Variants in ZNF407 observed in about 807,000 individuals in gnomAD.
ZNF407 encodes the protein zinc finger protein 407.
Under a neutral mutation model 131.2 loss-of-function variants are expected in ZNF407, and 17 were observed. The ratio of observed to expected loss-of-function variants is 0.13; its 90% CI spans 0.09 to 0.19. The LOEUF (loss-of-function observed/expected upper bound fraction) is 0.19, where lower values mean the gene tolerates loss of function less well. Ranked by LOEUF, ZNF407 falls within the 10% of genes least tolerant of loss-of-function variation. The probability of loss-of-function intolerance (pLI) is 1.00; values close to 1 mark genes in which losing one functional copy is unlikely to be tolerated. For synonymous variants in ZNF407, 1,156 were observed against 1,062.0 expected (o/e 1.09, Z -1.72); for missense variants, 2,681 against 2,830.6 (o/e 0.95, Z 1.20).
intron 1 of ZNF407, among the ~76,000 whole-genome samples, chr18:74,605,563 A>G: frequency 6.6e-6 from 1 of 152,216 alleles, no homozygotes; most frequent in East Asian, 1.9e-4. Flanking sequence ...TTAAAAAATC[A>G]AAAAATCATA....
intron 3 of ZNF407, among the ~76,000 whole-genome samples, chr18:74,761,619 A>G (rs1162122701): frequency 6.6e-6 from 1 of 152,178 alleles, no homozygotes; most frequent in Non-Finnish European, 1.5e-5. Flanking sequence ...ACCCCAACAT[A>G]TAAACCCTAA....
At chr18:74,896,637 G>T (rs967991375) in intron 7 of ZNF407, among the ~76,000 whole-genome samples, 1 of 152,092 alleles carries the variant, frequency 6.6e-6, no homozygotes, top group Non-Finnish European at 1.5e-5. Context: ...GTTTTGTCCT[G>T]GCAAGCATAA....
At chr18:74,964,891 G>A (rs1972392856) in intron 8 of ZNF407, among the ~76,000 whole-genome samples, 1 of 152,164 alleles carries the variant, frequency 6.6e-6, no homozygotes. Flanking sequence ...AAAATTCAGA[G>A]CCTATGTGAA....
rs1276866307 is a variant in ZNF407, at chr18:74,680,406, A to AG, written c.4802+39284_4802+39285insG. On this transcript the variant is annotated intron_variant, in intron 3 of 8. Coordinates refer to ENST00000299687, the MANE Select transcript of ZNF407 (RefSeq NM_017757.3). Reference sequence around the variant, plus strand: ...CCTGGGTGAGACCTTGCCTTAAAAAAAAAAAAAAAATAGAACCCCCAAACA... The same window carrying AG: ...CCTGGGTGAGACCTTGCCTTAAAAAAGAAAAAAAAAATAGAACCCCCAAACA... Among the ~76,000 whole-genome samples the AG allele has an allele frequency of 4.6e-5, 7 of 151,534 alleles. No homozygotes were observed. The East Asian group carries it at 1.4e-3, about 29-fold the overall frequency.
chr18:74,616,440 T>G (rs1983291924), intron 1 of ZNF407, among the ~76,000 whole-genome samples: 1 of 152,084 alleles, frequency 6.6e-6, no homozygotes, highest in African/African-American at 2.4e-5. Flanking sequence ...CCTTTGTCGT[T>G]TTTATGGAGG....
At chr18:75,011,253 T>C (rs568604775) in intron 8 of ZNF407, among the ~76,000 whole-genome samples, 2 of 152,292 alleles carry the variant, frequency 1.3e-5, no homozygotes, top group Admixed American at 6.5e-5. Context: ...AAATCACTGC[T>C]CATAGCACTG....
intron 3 of ZNF407, among the ~76,000 whole-genome samples, chr18:74,776,571 A>G (rs2145013964): frequency 6.6e-6 from 1 of 152,280 alleles, no homozygotes; most frequent in East Asian, 1.9e-4. Flanking sequence ...ATCCAAACTT[A>G]TTTGAAAATT....
At chr18:74,967,845 C>T (rs141958750) in intron 8 of ZNF407, among the ~76,000 whole-genome samples, 3 of 152,286 alleles carry the variant, frequency 2.0e-5, no homozygotes, top group East Asian at 3.9e-4. Context: ...ATTTCTGGGA[C>T]CTAAAATTAT....
chr18:74,758,683 T>C (rs2144967023), intron 3 of ZNF407, among the ~76,000 whole-genome samples: 1 of 152,210 alleles, frequency 6.6e-6, no homozygotes, highest in Admixed American at 6.5e-5. Flanking sequence ...CTCTGTCTCC[T>C]GAGTTCAAGC....
intron 3 of ZNF407, among the ~76,000 whole-genome samples, chr18:74,704,014 T>C (rs1217823986): frequency 6.6e-6 from 1 of 152,180 alleles, no homozygotes; most frequent in Non-Finnish European, 1.5e-5. Context: ...GTTAATGACA[T>C]AGAAGTACAG....
chr18:74,966,690 G>A (rs1972413841), intron 8 of ZNF407, among the ~76,000 whole-genome samples: 1 of 152,108 alleles, frequency 6.6e-6, no homozygotes, highest in Admixed American at 6.5e-5. Flanking sequence ...TTGTGTTTCT[G>A]TGGAGAATGT....
At chr18:75,029,723 T>TA (rs986890245) in intron 8 of ZNF407, among the ~76,000 whole-genome samples, 1 of 151,636 alleles carries the variant, frequency 6.6e-6, no homozygotes, top group African/African-American at 2.4e-5. Context: ...GCATGTGACT[T>TA]ATCACTGGTT....
At chr18:74,694,728 AT>A (rs1409166056) in intron 3 of ZNF407, among the ~76,000 whole-genome samples, 1 of 152,050 alleles carries the variant, frequency 6.6e-6, no homozygotes, top group Non-Finnish European at 1.5e-5. Context: ...TATTCTGTGC[AT>A]TGTTCAATTT....
At chr18:74,787,492 T>C (rs1969741643) in intron 4 of ZNF407, among the ~76,000 whole-genome samples, 1 of 152,234 alleles carries the variant, frequency 6.6e-6, no homozygotes, top group Non-Finnish European at 1.5e-5. Context: ...AATCTCAGGA[T>C]TGCAGGCAGA....
At chr18:74,669,184 C>T (rs544484538) in intron 3 of ZNF407, among the ~76,000 whole-genome samples, 26 of 152,336 alleles carry the variant, frequency 1.7e-4, no homozygotes, top group Admixed American at 7.2e-4. Context: ...CCTTCACATC[C>T]TTTGCTGTCA....
chr18:74,814,415 G>A (rs933514290), intron 4 of ZNF407, among the ~76,000 whole-genome samples: 13 of 152,094 alleles, frequency 8.5e-5, no homozygotes, highest in Middle Eastern at 3.2e-3. Context: ...ATTAGTCACC[G>A]CTCCCAGCCA....
chr18:74,924,127 T>G (rs990585690), intron 8 of ZNF407, among the ~76,000 whole-genome samples: 1 of 152,200 alleles, frequency 6.6e-6, no homozygotes, highest in South Asian at 2.1e-4. Context: ...TGTGTTTATA[T>G]TAAATATAAA....
Position 74,955,124 on chromosome 18 carries a change from C to T in ZNF407, c.5428+34432C>T, listed in dbSNP as rs373737268. Among the ~76,000 whole-genome samples, 42 of 152,058 alleles carry T rather than the reference C, an allele frequency of 2.8e-4. 1 individual carries two copies. The highest frequency in any genetic ancestry group is 4.1e-4 in the South Asian group (2 of 4,820). On this transcript the variant is annotated intron_variant, in intron 8 of 8. Coordinates refer to ENST00000299687, the MANE Select transcript of ZNF407 (RefSeq NM_017757.3). ...GTGAATCCAGTTAGGAGTTTGGAAC[C>T]CTGAGGGTAGTGCTGAGGGGCCGTT... is the stretch of plus-strand genomic sequence containing the variant.
At chr18:74,852,164 TACACACACACACACACACACAC>T (rs10539805) in intron 4 of ZNF407, among the ~76,000 whole-genome samples, 1,862 of 149,670 alleles carry the variant, frequency 0.012, 18 homozygotes, top group Non-Finnish European at 0.021. Flanking sequence ...GGATGCATGC[TACACACACACACACACACACAC>T]ACACACACAC....
Sources: allele counts gnomAD v4.1 joint callset (sites outside exome capture counted in the v4.1 genomes callset), GRCh38; gene constraint gnomAD v4.1.1; transcripts MANE v1.5; gene names NCBI Gene and HGNC (gene_info 2026-07-23, HGNC 2026-07-21).